The following NEGR1 variants were observed in gnomAD, a reference collection of about 807,000 sequenced individuals.
The protein encoded by NEGR1 is neuronal growth regulator 1.
Under a neutral mutation model 40.9 loss-of-function variants are expected in NEGR1, and 10 were observed. The observed-to-expected ratio is 0.24, with a 90% CI of 0.15 to 0.42. The LOEUF is 0.42. Ranked by LOEUF, NEGR1 falls within the 10% of genes least tolerant of loss-of-function variation. NEGR1 has a pLI of 1.00. For missense variants in NEGR1, 352 were observed against 438.9 expected, an observed-to-expected ratio of 0.80 and a Z score of 1.77; for synonymous variants, 185 against 166.8, an observed-to-expected ratio of 1.11 and a Z score of -0.84.
chr1:71,407,397 C>T lies in NEGR1; in HGVS notation c.*49G>A, dbSNP rs757332708. On this transcript the variant is annotated 3_prime_UTR_variant, in exon 7 of 7. Coordinates refer to ENST00000357731, the MANE Select transcript of NEGR1 (RefSeq NM_173808.3). The stretch of plus-strand genomic sequence containing the variant: ...CAAACTGTACCAGATTGGATCCAGC[C>T]ATCAGCACTTTCAGAGAATCCTTAA... The T allele has an allele frequency of 6.3e-7, 1 of 1,588,176 alleles. No individual in the cohort carries two copies. Among genetic ancestry groups the T allele is most frequent in the Non-Finnish European group, 8.6e-7 (1 of 1,160,772 alleles).
chr1:72,214,925 A>C (rs1034201417), intron 1 of NEGR1, among the ~76,000 whole-genome samples: 6 of 152,088 alleles, frequency 3.9e-5, no homozygotes, highest in African/African-American at 1.2e-4. Flanking sequence ...AATCCTAAGC[A>C]AAAAGAACAA....
rs1653812410 is a variant in NEGR1, at chr1:72,216,383, ACATATATATATATATAT to A, written c.176+65919_176+65935del. Reference sequence around the variant, plus strand: ...TAGAACTTGGAAGTTATATATATATACATATATATATATATATACATATATATATATATGTATATCTA... The same window carrying A: ...TAGAACTTGGAAGTTATATATATATAACATATATATATATATGTATATCTA... On this transcript the variant is annotated intron_variant, in intron 1 of 6. Transcript: ENST00000357731. Among the ~76,000 whole-genome samples the A allele has an allele frequency of 7.7e-5, 7 of 91,356 alleles. No homozygotes were observed. The Middle Eastern group carries it at 0.014, about 178-fold the overall frequency. The allele number at this position is 91,356 out of a possible 152,430, so 59.9% of individuals were successfully genotyped here. A position where few individuals can be genotyped will look rare whatever the true frequency, so the allele number is the denominator to read the frequency against.
chr1:71,861,685 A>C (rs545288090), intron 2 of NEGR1, among the ~76,000 whole-genome samples: 1 of 152,242 alleles, frequency 6.6e-6, no homozygotes, highest in African/African-American at 2.4e-5. Flanking sequence ...TCGCAAGCAT[A>C]AAATGAAATT....
At chr1:71,745,023 T>C (rs773756080) in intron 3 of NEGR1, among the ~76,000 whole-genome samples, 1 of 152,220 alleles carries the variant, frequency 6.6e-6, no homozygotes, top group Non-Finnish European at 1.5e-5. Context: ...TTTTCCATTA[T>C]ATGACTGTGA....
intron 6 of NEGR1, among the ~76,000 whole-genome samples, chr1:71,470,247 G>A (rs1258641365): frequency 6.6e-6 from 1 of 151,944 alleles, no homozygotes; most frequent in Non-Finnish European, 1.5e-5. Flanking sequence ...TACTATCGAA[G>A]TTATTTATTT....
intron 1 of NEGR1, among the ~76,000 whole-genome samples, chr1:72,252,794 T>C (rs1438784232): frequency 1.3e-5 from 2 of 152,196 alleles, no homozygotes; most frequent in African/African-American, 4.8e-5. Context: ...CAGTATATGA[T>C]TTATACTATT....
intron 1 of NEGR1, among the ~76,000 whole-genome samples, chr1:72,197,557 A>G (rs1653043196): frequency 6.6e-6 from 1 of 152,068 alleles, no homozygotes; most frequent in African/African-American, 2.4e-5. Flanking sequence ...TCATAAATTG[A>G]TTAACAACAT....
At chr1:71,675,937 T>G (rs2152217) in intron 4 of NEGR1, among the ~76,000 whole-genome samples, 149,597 of 152,134 alleles carry the variant, frequency 0.98, 73,590 homozygotes, top group Middle Eastern at 1. Context: ...AAAGTGCTGG[T>G]ATTATAGGTG....
chr1:71,880,465 A>T (rs1660552023), intron 2 of NEGR1, among the ~76,000 whole-genome samples: 1 of 152,060 alleles, frequency 6.6e-6, no homozygotes, highest in Admixed American at 6.6e-5. Flanking sequence ...GCAGGAACAA[A>T]GATTCTTTGT....
intron 2 of NEGR1, among the ~76,000 whole-genome samples, chr1:71,910,711 T>C (rs535598384): frequency 3.1e-4 from 47 of 151,142 alleles, no homozygotes; most frequent in South Asian, 2.2e-3. Flanking sequence ...TTTGTTTTTG[T>C]TTTTGAGACA....
At chr1:72,274,999 G>A in intron 1 of NEGR1, 1 of 1,548,204 alleles carries the variant, frequency 6.5e-7, no homozygotes, top group Middle Eastern at 1.7e-4. Context: ...TACGACTGTG[G>A]AAACCAAGGA....
At chr1:71,857,554 G>A (rs2101819421) in intron 2 of NEGR1, among the ~76,000 whole-genome samples, 1 of 139,778 alleles carries the variant, frequency 7.2e-6, no homozygotes, top group South Asian at 2.3e-4. Flanking sequence ...TTTGAGCCCA[G>A]GAAGTCAGGT....
chr1:71,888,488 C>G (rs546625397), intron 2 of NEGR1, among the ~76,000 whole-genome samples: 2 of 151,910 alleles, frequency 1.3e-5, no homozygotes, highest in East Asian at 2.0e-4. Flanking sequence ...CACTCCCACC[C>G]GAATATTGCG....
At chr1:71,588,986 C>T (rs772411033) in intron 6 of NEGR1, among the ~76,000 whole-genome samples, 3 of 152,086 alleles carry the variant, frequency 2.0e-5, no homozygotes, top group East Asian at 1.9e-4. Context: ...CTTTTCATAG[C>T]CTAACCTCTG....
intron 1 of NEGR1, among the ~76,000 whole-genome samples, chr1:72,081,570 TGA>T (rs1157515785): frequency 6.6e-6 from 1 of 152,132 alleles, no homozygotes; most frequent in Non-Finnish European, 1.5e-5. Context: ...ATGAGCATCA[TGA>T]GTGTAAGTAA....
chr1:71,440,786 G>T (rs972687934), intron 6 of NEGR1, among the ~76,000 whole-genome samples: 4 of 152,190 alleles, frequency 2.6e-5, no homozygotes, highest in African/African-American at 9.7e-5. Context: ...TTCTGTCATT[G>T]AAATTAAAAT....
At chr1:71,760,228 G>A (rs569043783) in intron 3 of NEGR1, among the ~76,000 whole-genome samples, 1 of 152,126 alleles carries the variant, frequency 6.6e-6, no homozygotes, top group South Asian at 2.1e-4. Context: ...CACCTTCCTC[G>A]AAGTATTGTG....
chr1:71,933,788 T>C (rs1645877551), intron 2 of NEGR1, among the ~76,000 whole-genome samples: 1 of 152,048 alleles, frequency 6.6e-6, no homozygotes, highest in Admixed American at 6.5e-5. Context: ...GGAAATTCAT[T>C]GACTTATTTT....
chr1:72,216,176 G>A (rs1653798947), intron 1 of NEGR1, among the ~76,000 whole-genome samples: 1 of 151,536 alleles, frequency 6.6e-6, no homozygotes, highest in South Asian at 2.1e-4. Context: ...CTTGGACACA[G>A]GAAGGTAACA....
Sources: allele counts gnomAD v4.1 joint callset (sites outside exome capture counted in the v4.1 genomes callset), GRCh38; gene constraint gnomAD v4.1.1; transcripts MANE v1.5; gene names NCBI Gene and HGNC (gene_info 2026-07-23, HGNC 2026-07-21).